TENM1: variants seen among roughly 807,000 people sequenced by gnomAD.
The protein encoded by TENM1 is teneurin-1.
Under a neutral mutation model 174.8 loss-of-function variants are expected in TENM1, and 35 were observed. The observed-to-expected ratio is 0.20, with a 90% CI of 0.15 to 0.27. TENM1 has a LOEUF of 0.27. Ranked by LOEUF, TENM1 falls within the 10% of genes least tolerant of loss-of-function variation. The probability of loss-of-function intolerance (pLI) is 1.00; values close to 1 mark genes in which losing one functional copy is unlikely to be tolerated. For synonymous variants in TENM1, 781 were observed against 798.7 expected, an observed-to-expected ratio of 0.98 and a Z score of 0.37; for missense variants, 1,633 against 2,130.1, an observed-to-expected ratio of 0.77 and a Z score of 4.59.
chrX:124,580,688 T>C (rs1183474694), intron 11 of TENM1, among the ~76,000 whole-genome samples: 11 of 111,381 alleles, frequency 9.9e-5, no homozygotes, highest in Admixed American at 9.6e-4. Flanking sequence ...AATTGTACTG[T>C]ATTAATAATT....
In TENM1 at chrX:124,453,511, G is replaced by A; in HGVS notation, c.3950-20C>T. On this transcript the variant is annotated intron_variant, in intron 22 of 31. Transcript: ENST00000422452. ...TGATGCCTGTTGGGAAAGAGCAAAT[G>A]AGCATTAGTAGTCTAGTGAACCACA... is the stretch of plus-strand genomic sequence containing the variant. 7 of 1,193,960 alleles carry A rather than the reference G, an allele frequency of 5.9e-6. No individual in the cohort carries two copies. Among genetic ancestry groups the A allele is most frequent in the African/African-American group, 3.5e-5 (2 of 57,479 alleles).
At chrX:124,573,422 T>C (rs1173836333) in intron 11 of TENM1, among the ~76,000 whole-genome samples, 1 of 112,040 alleles carries the variant, frequency 8.9e-6, no homozygotes, top group Non-Finnish European at 1.9e-5. Context: ...TTTGTATTTA[T>C]TAATTTTTAA....
At chrX:124,398,965 C>A (rs1433414958) in intron 27 of TENM1, among the ~76,000 whole-genome samples, 1 of 112,408 alleles carries the variant, frequency 8.9e-6, no homozygotes, top group Non-Finnish European at 1.9e-5. Context: ...TTAGAAGGAA[C>A]CCTTCTGTTC....
the TENM1 span, among the ~76,000 whole-genome samples, chrX:125,159,318 A>G: frequency 8.9e-6 from 1 of 112,023 alleles, no homozygotes; most frequent in Non-Finnish European, 1.9e-5. Context: ...CTCCTGAGTA[A>G]GACTTCTTAT....
At chrX:124,874,745 T>C (rs914734237) in intron 3 of TENM1, among the ~76,000 whole-genome samples, 1 of 111,034 alleles carries the variant, frequency 9.0e-6, no homozygotes, top group African/African-American at 3.3e-5. Flanking sequence ...AGCAACTTTA[T>C]TGTTTTCTGC....
chrX:125,094,711 A>AT, the TENM1 span, among the ~76,000 whole-genome samples: 30 of 111,801 alleles, frequency 2.7e-4, no homozygotes, highest in African/African-American at 9.1e-4. Flanking sequence ...TGTGAAACAG[A>AT]TTTTCTGAAA....
At chrX:124,665,345 A>G (rs1271554767) in intron 6 of TENM1, among the ~76,000 whole-genome samples, 1 of 112,241 alleles carries the variant, frequency 8.9e-6, no homozygotes, top group Admixed American at 9.4e-5. Context: ...CGTCTCAAAA[A>G]AAAAAGAAAA....
the TENM1 span, among the ~76,000 whole-genome samples, chrX:125,143,316 A>G: frequency 8.9e-6 from 1 of 112,098 alleles, no homozygotes. Flanking sequence ...TATTTAAAGG[A>G]AAATTTGTTA....
chrX:124,694,218 T>C (rs2052597007), intron 5 of TENM1, among the ~76,000 whole-genome samples: 1 of 111,698 alleles, frequency 9.0e-6, no homozygotes, highest in South Asian at 3.7e-4. Flanking sequence ...TGCTCTCATA[T>C]GCCAGGTCTG....
At chrX:124,752,609 G>C (rs759726041) in intron 3 of TENM1, among the ~76,000 whole-genome samples, 1 of 111,602 alleles carries the variant, frequency 9.0e-6, no homozygotes, top group African/African-American at 3.3e-5. Flanking sequence ...TTTCTTCTAG[G>C]GTTTTTATGG....
chrX:124,496,242 C>T (rs951070631), intron 20 of TENM1, among the ~76,000 whole-genome samples: 2 of 111,449 alleles, frequency 1.8e-5, no homozygotes, highest in East Asian at 2.8e-4. Flanking sequence ...AAGACTTAAA[C>T]GTTAGACCTA....
At chrX:124,827,477 T>A (rs1257284443) in intron 3 of TENM1, among the ~76,000 whole-genome samples, 1 of 112,377 alleles carries the variant, frequency 8.9e-6, no homozygotes, top group Non-Finnish European at 1.9e-5. Flanking sequence ...CTTCTCATGC[T>A]AAACCTGGCA....
At chrX:125,197,615 C>T in the TENM1 span, among the ~76,000 whole-genome samples, 1 of 111,508 alleles carries the variant, frequency 9.0e-6, no homozygotes, top group Admixed American at 9.5e-5. Flanking sequence ...TAGTATCACA[C>T]AGATATAGTC....
Position 124,466,289 on chromosome X carries a change from A to G in TENM1, c.3950-12798T>C, listed in dbSNP as rs754446857. Among the ~76,000 whole-genome samples, 3 of 111,958 alleles carry G rather than the reference A, an allele frequency of 2.7e-5. No homozygotes were observed. The East Asian group carries it at 8.4e-4, about 31-fold the overall frequency. On this transcript the variant is annotated intron_variant, in intron 22 of 31. Transcript: ENST00000422452. Reference sequence around the variant, plus strand: ...TCTATTTTAGAAACATAACAATTTGAGCAATTTAAAAAATGAGTAATTAAT... The same window carrying G: ...TCTATTTTAGAAACATAACAATTTGGGCAATTTAAAAAATGAGTAATTAAT...
Position 124,384,945 on chromosome X carries a change from C to A in TENM1, c.6077-91G>T, listed in dbSNP as rs569613336. On this transcript the variant is annotated intron_variant, in intron 29 of 31. Coordinates refer to ENST00000422452, the Ensembl canonical transcript of TENM1. ...AGTGTTATTTTATTTAGTACTGGTG[C>A]TTTTATATTCATAATACAATATTAG... The A allele has an allele frequency of 7.8e-4, 633 of 814,621 alleles. 3 individuals carry two copies. Among genetic ancestry groups the A allele is most frequent in the South Asian group, 4.8e-3 (163 of 33,656 alleles). The allele number at this position is 814,621 out of a possible 1,213,427, so 67.1% of individuals were successfully genotyped here.
intron 3 of TENM1, among the ~76,000 whole-genome samples, chrX:124,880,342 G>A (rs772089220): frequency 2.7e-5 from 3 of 111,916 alleles, no homozygotes; most frequent in South Asian, 7.4e-4. Context: ...CATTACTGAT[G>A]TATAACAATG....
intron 22 of TENM1, among the ~76,000 whole-genome samples, chrX:124,466,501 C>T (rs960488530): frequency 1.8e-5 from 2 of 111,648 alleles, no homozygotes; most frequent in South Asian, 7.5e-4. Context: ...TGGTTTTGGT[C>T]ATTTGTAAAT....
chrX:125,109,372 T>A, the TENM1 span, among the ~76,000 whole-genome samples: 1 of 111,584 alleles, frequency 9.0e-6, no homozygotes, highest in African/African-American at 3.3e-5. Context: ...CTTTTTTTAA[T>A]CAACTTTTAT....
In TENM1 at chrX:124,542,014, G is replaced by A. The variant is rs950326877; in HGVS notation, c.2651+4860C>T. Among the ~76,000 whole-genome samples the A allele has an allele frequency of 4.5e-5, 5 of 112,109 alleles. No individual in the cohort carries two copies. In the East Asian group the frequency reaches 1.4e-3, roughly 32 times the overall value. Reference sequence around the variant, plus strand: ...CCTAAGGCTAGCTACCATGCCAGTAGGAGGCCCAAGTAGTCAAATAGAGAG... The same window carrying A: ...CCTAAGGCTAGCTACCATGCCAGTAAGAGGCCCAAGTAGTCAAATAGAGAG... On this transcript the variant is annotated intron_variant, in intron 15 of 31. Coordinates refer to ENST00000422452, the Ensembl canonical transcript of TENM1.
Sources: gnomAD v4.1 joint callset for allele counts (sites outside exome capture counted in the v4.1 genomes callset) on GRCh38, gnomAD v4.1.1 for gene constraint, MANE v1.5 for transcripts, NCBI Gene and HGNC (gene_info 2026-07-23, HGNC 2026-07-21) for gene names.